Variants in NRG1 observed in about 807,000 individuals in gnomAD.
The protein encoded by NRG1 is neuregulin 1.
Under a neutral mutation model 63.8 loss-of-function variants are expected in NRG1, and 18 were observed. That is an observed-to-expected ratio of 0.28 (90% confidence interval 0.19 to 0.42). The LOEUF (loss-of-function observed/expected upper bound fraction) is 0.42. Among genes scored for constraint, NRG1 ranks in the 10% least tolerant of loss-of-function variants. The pLI, the probability that NRG1 is intolerant of heterozygous loss-of-function variation, is 1.00. For synonymous variants in NRG1, 302 were observed against 301.3 expected (o/e 1.00, Z -0.02); for missense variants, 762 against 814.7 (o/e 0.94, Z 0.79).
chr8:32,092,629 G>A (rs1236138828), intron 1 of NRG1, among the ~76,000 whole-genome samples: 4 of 152,086 alleles, frequency 2.6e-5, no homozygotes, highest in Non-Finnish European at 5.9e-5. Flanking sequence ...GCCTCTTGAG[G>A]GAGTTACATC....
intron 1 of NRG1, among the ~76,000 whole-genome samples, chr8:32,244,075 A>C (rs1848386253): frequency 6.6e-6 from 1 of 152,154 alleles, no homozygotes; most frequent in African/African-American, 2.4e-5. Context: ...ACTTTTAGGA[A>C]ATGTGGATCC....
intron 1 of NRG1, among the ~76,000 whole-genome samples, chr8:32,077,537 G>T (rs1381869): frequency 0.97 from 148,031 of 152,324 alleles, 72,074 homozygotes; most frequent in East Asian, 1. Flanking sequence ...CATGGTTAAG[G>T]TTCTTCTTTT....
chr8:32,048,220 G>A (rs570739169), intron 1 of NRG1, among the ~76,000 whole-genome samples: 5 of 151,250 alleles, frequency 3.3e-5, no homozygotes, highest in African/African-American at 9.7e-5. Flanking sequence ...CGGTAAACAC[G>A]GAAGTGTAAA....
At chr8:31,883,333 C>G (rs1019602300) in intron 1 of NRG1, among the ~76,000 whole-genome samples, 1 of 152,090 alleles carries the variant, frequency 6.6e-6, no homozygotes, top group Non-Finnish European at 1.5e-5. Context: ...TAATAGACTA[C>G]AGTATAGTAC....
intron 11 of NRG1, among the ~76,000 whole-genome samples, chr8:32,761,919 G>C (rs1464460663): frequency 6.6e-6 from 1 of 151,096 alleles, no homozygotes; most frequent in Non-Finnish European, 1.5e-5. Context: ...CTGCCCTGTA[G>C]TCCCAGCTAC....
chr8:32,603,455 G>A (rs755212588), intron 2 of NRG1, among the ~76,000 whole-genome samples: 2 of 151,948 alleles, frequency 1.3e-5, no homozygotes, highest in Non-Finnish European at 2.9e-5. Flanking sequence ...TGTTGACATC[G>A]AGTCCCGACT....
chr8:31,647,718 G>C (rs1478587712), intron 1 of NRG1, among the ~76,000 whole-genome samples: 1 of 152,154 alleles, frequency 6.6e-6, no homozygotes, highest in Admixed American at 6.5e-5. Context: ...TAGGCATGCT[G>C]CTGCTTTGCA....
intron 5 of NRG1, among the ~76,000 whole-genome samples, chr8:32,675,169 C>T (rs1469254756): frequency 6.6e-6 from 1 of 152,144 alleles, no homozygotes; most frequent in East Asian, 1.9e-4. Context: ...TATATATGTT[C>T]TGGTGAAAAT....
rs183601251 is a variant in NRG1, at chr8:32,505,174, G to A, written c.38-90654G>A. Among the ~76,000 whole-genome samples, 33 of 152,214 alleles carry A rather than the reference G, an allele frequency of 2.2e-4. No homozygotes were observed. In the East Asian group the frequency reaches 6.4e-3, roughly 29 times the overall value. ...CAGTAAATTCTTCTGGTAGCACTAAGCTTTATCAAGCAGGCATTTTAAAAG... is the reference window on the plus strand; with the variant it reads ...CAGTAAATTCTTCTGGTAGCACTAAACTTTATCAAGCAGGCATTTTAAAAG... On this transcript the variant is annotated intron_variant, in intron 1 of 10. Transcript: ENST00000519301.
intron 1 of NRG1, among the ~76,000 whole-genome samples, chr8:32,401,211 C>T (rs543143118): frequency 2.0e-5 from 3 of 151,764 alleles, no homozygotes; most frequent in Admixed American, 1.3e-4. Context: ...ATTACCTGGG[C>T]GATGAAATAA....
At chr8:32,290,082 A>G (rs1419626744) in intron 1 of NRG1, among the ~76,000 whole-genome samples, 1 of 152,042 alleles carries the variant, frequency 6.6e-6, no homozygotes, top group Admixed American at 6.6e-5. Context: ...CTCTACAAAA[A>G]ATACAGAAAT....
chr8:32,158,424 C>T (rs1351744488), intron 1 of NRG1, among the ~76,000 whole-genome samples: 2 of 77,866 alleles, frequency 2.6e-5, no homozygotes, highest in Admixed American at 3.8e-4. Flanking sequence ...TAGAGTTGTT[C>T]GTTTCTCTTT....
intron 1 of NRG1, among the ~76,000 whole-genome samples, chr8:31,818,538 T>A (rs1326158146): frequency 6.6e-6 from 1 of 152,174 alleles, no homozygotes; most frequent in Non-Finnish European, 1.5e-5. Context: ...AGGCATTACA[T>A]TCTCATAAGA....
At chr8:32,647,336 T>G (rs1853809924) in intron 5 of NRG1, 1 of 985,262 alleles carries the variant, frequency 1.0e-6, no homozygotes, top group African/African-American at 1.7e-5. Context: ...GACACCAGCT[T>G]CAGATGCTCG....
intron 1 of NRG1, among the ~76,000 whole-genome samples, chr8:32,481,224 G>T (rs1825234707): frequency 6.6e-6 from 1 of 151,890 alleles, no homozygotes; most frequent in South Asian, 2.1e-4. Context: ...TGCACAGGTA[G>T]TCCCAGCTAC....
At chr8:32,357,880 T>C (rs1303400012) in intron 1 of NRG1, among the ~76,000 whole-genome samples, 1 of 152,222 alleles carries the variant, frequency 6.6e-6, no homozygotes, top group Non-Finnish European at 1.5e-5. Context: ...ATAAGTACTC[T>C]GGAAGATGTG....
chr8:32,005,717 A>G (rs1813674116), intron 1 of NRG1, among the ~76,000 whole-genome samples: 1 of 151,990 alleles, frequency 6.6e-6, no homozygotes, highest in East Asian at 1.9e-4. Flanking sequence ...GATGAACAGA[A>G]ACAAAACGTT....
chr8:32,007,833 G>C (rs1814034087), intron 1 of NRG1, among the ~76,000 whole-genome samples: 1 of 151,874 alleles, frequency 6.6e-6, no homozygotes, highest in African/African-American at 2.4e-5. Flanking sequence ...ATTTTTAAGA[G>C]CCATTTTAAA....
intron 1 of NRG1, among the ~76,000 whole-genome samples, chr8:32,206,740 A>G (rs958815169): frequency 6.6e-6 from 1 of 152,174 alleles, no homozygotes; most frequent in Non-Finnish European, 1.5e-5. Context: ...CCATCACCTG[A>G]ATATAGTGTA....
Sources: allele counts gnomAD v4.1 joint callset (sites outside exome capture counted in the v4.1 genomes callset), GRCh38; gene constraint gnomAD v4.1.1; transcripts MANE v1.5; gene names NCBI Gene and HGNC (gene_info 2026-07-23, HGNC 2026-07-21).